The following LRP1B variants were observed in gnomAD, a reference collection of about 807,000 sequenced individuals.
LRP1B encodes LDL receptor related protein 1B.
LRP1B carries 217 observed loss-of-function variants against 556.6 expected under a neutral mutation model. That is an observed-to-expected ratio of 0.39 (90% CI 0.35 to 0.44). The LOEUF (loss-of-function observed/expected upper bound fraction) is 0.44, where lower values mean the gene tolerates loss of function less well. Ranked by LOEUF, LRP1B falls within the 20% of genes least tolerant of loss-of-function variation. LRP1B has a pLI of 1.00. For missense variants in LRP1B, 5,053 were observed against 5,620.8 expected, an observed-to-expected ratio of 0.90 and a Z score of 3.23; for synonymous variants, 2,047 against 1,865.8, an observed-to-expected ratio of 1.10 and a Z score of -2.50.
intron 11 of LRP1B, among the ~76,000 whole-genome samples, chr2:141,034,972 G>A (rs1391886683): frequency 6.6e-6 from 1 of 151,934 alleles, no homozygotes; most frequent in Non-Finnish European, 1.5e-5. Flanking sequence ...GTCCAACAAT[G>A]ATAGACTGGA....
intron 25 of LRP1B, among the ~76,000 whole-genome samples, chr2:140,872,051 G>GGT (rs1693146880): frequency 8.1e-6 from 1 of 124,062 alleles, no homozygotes; most frequent in Non-Finnish European, 1.6e-5. Context: ...AGTCCTTCAT[G>GGT]TTTTTTTTTT....
rs1204442302 is a variant in LRP1B, at chr2:141,884,822, G to A, written c.83-74421C>T. Among the ~76,000 whole-genome samples the A allele has an allele frequency of 2.0e-5, 3 of 152,224 alleles. No homozygotes were observed. In the East Asian group the frequency reaches 5.8e-4, roughly 29 times the overall value. ...CTCATGCTGCATAAAGTATCTTAAT[G>A]TTTATAAGATAAAGCAAACTATCTT... On this transcript the variant is annotated intron_variant, in intron 1 of 90. Transcript: ENST00000389484.
rs769549661 is a variant in LRP1B at position 140,867,692 on chromosome 2, A to G, written c.4477T>C (p.Ser1493Pro). 2 of 1,613,564 alleles carry G rather than the reference A, an allele frequency of 1.2e-6. No individual in the cohort carries two copies. The highest frequency in any genetic ancestry group is 1.7e-6 in the Non-Finnish European group (2 of 1,179,640). Residue 1493 changes from serine (S) to proline (P), a missense_variant, in exon 27 of 91, where the codon TCC becomes CCC. Transcript: ENST00000389484. The part of the protein sequence containing the change: ...YWTDWRTNTL[S>P]KANKWTGQNV... ...TGCCCTGTCCACTTATTGGCTTTGG[A>G]CAATGTGTTGGTCCTCCAGTCTGTC...
At chr2:141,743,486 C>CTTTTTTTTTTTTTT (rs765968445) in intron 2 of LRP1B, among the ~76,000 whole-genome samples, 8 of 108,038 alleles carry the variant, frequency 7.4e-5, no homozygotes, top group African/African-American at 7.8e-5. Flanking sequence ...CTGCTTTTTT[C>CTTTTTTTTTTTTTT]TTTTTTTTTT....
At chr2:141,754,750 A>G (rs1301942315) in intron 2 of LRP1B, among the ~76,000 whole-genome samples, 1 of 152,146 alleles carries the variant, frequency 6.6e-6, no homozygotes, top group African/African-American at 2.4e-5. Context: ...CAGTAACTCA[A>G]CCATGCAATT....
chr2:140,590,952 T>G (rs1682199116), intron 43 of LRP1B, among the ~76,000 whole-genome samples: 1 of 152,214 alleles, frequency 6.6e-6, no homozygotes, highest in African/African-American at 2.4e-5. Context: ...TTTTAATGGA[T>G]TAATAGAATT....
At chr2:140,434,948 A>G (rs1055085540) in intron 66 of LRP1B, among the ~76,000 whole-genome samples, 6 of 152,172 alleles carry the variant, frequency 3.9e-5, no homozygotes, top group African/African-American at 1.4e-4. Context: ...TTTTCTATAT[A>G]TGATGAATTA....
chr2:140,461,069 G>GAAAA (rs1217803995), intron 60 of LRP1B, among the ~76,000 whole-genome samples: 3 of 72,338 alleles, frequency 4.1e-5, no homozygotes, highest in Admixed American at 1.6e-4. Flanking sequence ...ACTCAAAAAA[G>GAAAA]AAAAAAAAAA....
At chr2:140,393,684 T>C (rs191005198) in intron 66 of LRP1B, among the ~76,000 whole-genome samples, 59 of 152,094 alleles carry the variant, frequency 3.9e-4, no homozygotes, top group Non-Finnish European at 6.5e-4. Flanking sequence ...AATATAGTAA[T>C]GGAAATAATG....
At chr2:140,388,642 A>C (rs1683872018) in intron 66 of LRP1B, among the ~76,000 whole-genome samples, 1 of 152,208 alleles carries the variant, frequency 6.6e-6, no homozygotes, top group Non-Finnish European at 1.5e-5. Flanking sequence ...TTTTTGATCC[A>C]TGAAATTACT....
intron 79 of LRP1B, among the ~76,000 whole-genome samples, chr2:140,327,281 C>T (rs1680537435): frequency 6.6e-6 from 1 of 152,102 alleles, no homozygotes; most frequent in Non-Finnish European, 1.5e-5. Flanking sequence ...ACATTGGAAA[C>T]CACTAGTGAA....
chr2:141,561,880 A>G (rs1686166387), intron 2 of LRP1B, among the ~76,000 whole-genome samples: 1 of 151,928 alleles, frequency 6.6e-6, no homozygotes, highest in African/African-American at 2.4e-5. Flanking sequence ...ACGATAGCTT[A>G]TTTTTAAAAA....
intron 41 of LRP1B, among the ~76,000 whole-genome samples, chr2:140,678,414 T>G (rs1685745808): frequency 6.6e-6 from 1 of 152,226 alleles, no homozygotes; most frequent in South Asian, 2.1e-4. Flanking sequence ...ATGTTTAGGT[T>G]GTAGTTTTCA....
chr2:141,510,710 A>G (rs550919464), intron 2 of LRP1B, among the ~76,000 whole-genome samples: 1 of 152,202 alleles, frequency 6.6e-6, no homozygotes, highest in East Asian at 1.9e-4. Context: ...GGCCTTCTAG[A>G]ACCACCTTAT....
At chr2:140,727,602 C>A (rs1687639128) in intron 35 of LRP1B, among the ~76,000 whole-genome samples, 1 of 152,060 alleles carries the variant, frequency 6.6e-6, no homozygotes, top group Non-Finnish European at 1.5e-5. Context: ...TTACTGAAAC[C>A]AAGTTCAGGT....
At chr2:141,730,054 C>T (rs1225156027) in intron 2 of LRP1B, among the ~76,000 whole-genome samples, 1 of 152,138 alleles carries the variant, frequency 6.6e-6, no homozygotes, top group Admixed American at 6.5e-5. Context: ...AAAACTGTCT[C>T]ACGGAACTGT....
intron 1 of LRP1B, among the ~76,000 whole-genome samples, chr2:142,075,701 C>T (rs766152835): frequency 1.3e-5 from 2 of 152,032 alleles, no homozygotes; most frequent in Non-Finnish European, 2.9e-5. Flanking sequence ...TGCTCTCAAT[C>T]TCTCTCTCTT....
intron 1 of LRP1B, among the ~76,000 whole-genome samples, chr2:141,814,207 C>T (rs1195678100): frequency 6.6e-6 from 1 of 152,092 alleles, no homozygotes; most frequent in Non-Finnish European, 1.5e-5. Flanking sequence ...GAGAAATGTG[C>T]CCAGAAAAGT....
intron 2 of LRP1B, among the ~76,000 whole-genome samples, chr2:141,647,703 GT>G (rs61107233): frequency 5.2e-4 from 76 of 145,424 alleles, no homozygotes; most frequent in African/African-American, 1.4e-3. Flanking sequence ...TAACCTTCTA[GT>G]TTTTTTTTTT....
Sources: allele counts gnomAD v4.1 joint callset (sites outside exome capture counted in the v4.1 genomes callset), GRCh38; gene constraint gnomAD v4.1.1; transcripts MANE v1.5; gene names NCBI Gene and HGNC (gene_info 2026-07-23, HGNC 2026-07-21).